KCNMB2: variants seen among roughly 807,000 people sequenced by gnomAD.
The protein encoded by KCNMB2 is potassium calcium-activated channel subfamily M regulatory beta subunit 2, also known as calcium-activated potassium channel subunit beta-2.
In KCNMB2, 9 loss-of-function variants were observed where a neutral mutation model predicts 24.5. That is an observed-to-expected ratio of 0.37 (90% CI 0.22 to 0.64). KCNMB2 has a LOEUF of 0.64. KCNMB2 is among the 30% of genes least tolerant of loss of function. The pLI is 0.63. For synonymous variants in KCNMB2, 109 were observed against 104.4 expected (o/e 1.04, Z -0.27); for missense variants, 226 against 284.3 (o/e 0.79, Z 1.47).
chr3:178,711,324 G>A (rs1722446282), intron 1 of KCNMB2, among the ~76,000 whole-genome samples: 1 of 152,014 alleles, frequency 6.6e-6, no homozygotes, highest in South Asian at 2.1e-4. Context: ...TTAATATTGT[G>A]CCTGGCATTT....
intron 2 of KCNMB2, among the ~76,000 whole-genome samples, chr3:178,811,248 C>T (rs1161770406): frequency 6.6e-6 from 1 of 151,960 alleles, no homozygotes; most frequent in East Asian, 1.9e-4. Context: ...CATCCAGGTA[C>T]CCATCATTCA....
At chr3:178,537,835 T>G (rs1715460850) in intron 1 of KCNMB2, among the ~76,000 whole-genome samples, 1 of 152,192 alleles carries the variant, frequency 6.6e-6, no homozygotes, top group South Asian at 2.1e-4. Flanking sequence ...AGATGTTGCT[T>G]TATATTCTGA....
At position 178,648,593 on chromosome 3, in the gene KCNMB2, G is replaced by C. The variant is rs151024183; in HGVS notation, c.-68+111882G>C. On this transcript the variant is annotated intron_variant, in intron 1 of 4. Transcript: ENST00000452583. The stretch of plus-strand genomic sequence containing the variant: ...AACATAAAAAATAAGTCATTTCTTT[G>C]TTCTCTTAACACTTCTTGAGTGAAC... Among the ~76,000 whole-genome samples the C allele has an allele frequency of 1.5e-4, 23 of 152,230 alleles. No individual in the cohort carries two copies. The East Asian group carries it at 4.4e-3, about 29-fold the overall frequency.
At chr3:178,708,605 T>C (rs1452701413) in intron 1 of KCNMB2, among the ~76,000 whole-genome samples, 1 of 152,024 alleles carries the variant, frequency 6.6e-6, no homozygotes, top group Admixed American at 6.6e-5. Flanking sequence ...CCAACAAAAA[T>C]AACAACAGTA....
intron 1 of KCNMB2, among the ~76,000 whole-genome samples, chr3:178,616,095 G>A (rs779340558): frequency 2.8e-4 from 42 of 152,040 alleles, no homozygotes; most frequent in Non-Finnish European, 5.0e-4. Flanking sequence ...GCAGAAAGAA[G>A]GGCTCTCTTT....
At chr3:178,580,566 G>C (rs1417229098) in intron 1 of KCNMB2, among the ~76,000 whole-genome samples, 1 of 152,204 alleles carries the variant, frequency 6.6e-6, no homozygotes, top group Non-Finnish European at 1.5e-5. Context: ...AGGAAGAGAG[G>C]AAGTCAAATT....
chr3:178,606,546 G>A (rs1718279666), intron 1 of KCNMB2, among the ~76,000 whole-genome samples: 1 of 143,490 alleles, frequency 7.0e-6, no homozygotes, highest in South Asian at 2.2e-4. Context: ...TACATAATTT[G>A]TTTGGTTTCA....
chr3:178,693,805 T>C (rs1451436004), intron 1 of KCNMB2, among the ~76,000 whole-genome samples: 1 of 152,156 alleles, frequency 6.6e-6, no homozygotes, highest in Non-Finnish European at 1.5e-5. Flanking sequence ...TTTGGAATAG[T>C]TTCAGTAGGA....
intron 1 of KCNMB2, among the ~76,000 whole-genome samples, chr3:178,678,121 G>A (rs1342644673): frequency 6.6e-6 from 1 of 152,188 alleles, no homozygotes; most frequent in African/African-American, 2.4e-5. Flanking sequence ...TGGGAGTTAT[G>A]GCTTATGGAA....
chr3:178,724,508 T>C (rs1722905861), intron 1 of KCNMB2, among the ~76,000 whole-genome samples: 1 of 152,184 alleles, frequency 6.6e-6, no homozygotes. Context: ...TTTAGTTTAA[T>C]TAAGTCCCAT....
chr3:178,757,241 T>C (rs2108396118), intron 1 of KCNMB2: 1 of 142,564 alleles, frequency 7.0e-6, no homozygotes, highest in East Asian at 2.0e-4. Flanking sequence ...GGTACACACA[T>C]ACACACATAT....
At position 178,758,143 on chromosome 3, in the gene KCNMB2, T is replaced by C. The variant is rs1280867422; in HGVS notation, c.-67-49200T>C. Among the ~76,000 whole-genome samples the C allele has an allele frequency of 1.8e-3, 98 of 54,170 alleles. 4 individuals are homozygous for C. Among genetic ancestry groups the C allele is most frequent in the Non-Finnish European group, 3.5e-3 (87 of 24,944 alleles). 35.5% of individuals were successfully genotyped at this position (54,170 alleles called of 152,430 possible). On this transcript the variant is annotated intron_variant, in intron 1 of 4. Transcript: ENST00000452583. ...ATATATATGTACACACAAGAGGATA[T>C]ATATATATATATATCCAAGAGGATA...
intron 1 of KCNMB2, among the ~76,000 whole-genome samples, chr3:178,601,527 C>A (rs1454904098): frequency 1.3e-5 from 2 of 152,110 alleles, no homozygotes; most frequent in African/African-American, 2.4e-5. Flanking sequence ...ATATCCCTGT[C>A]CACAGCTGAC....
At chr3:178,603,724 CT>C (rs1285771014) in intron 1 of KCNMB2, among the ~76,000 whole-genome samples, 5 of 152,136 alleles carry the variant, frequency 3.3e-5, no homozygotes, top group Non-Finnish European at 5.9e-5. Context: ...AGATGCAGTA[CT>C]GACGTGATGA....
chr3:178,582,812 A>G lies in KCNMB2; in HGVS notation c.-68+46101A>G, dbSNP rs189622358. Among the ~76,000 whole-genome samples the G allele has an allele frequency of 9.0e-3, 1,376 of 152,306 alleles. 19 individuals carry two copies. The highest frequency in any genetic ancestry group is 0.032 in the African/African-American group (1,320 of 41,586). On this transcript the variant is annotated intron_variant, in intron 1 of 4. Transcript: ENST00000452583. ...TTTTGTTTATATGCCCATTTATATGAAAAAATAATAATGTCACTGTGAATC... is the reference window on the plus strand; with the variant it reads ...TTTTGTTTATATGCCCATTTATATGGAAAAATAATAATGTCACTGTGAATC...
chr3:178,644,658 T>C (rs1407377990), intron 1 of KCNMB2, among the ~76,000 whole-genome samples: 1 of 152,214 alleles, frequency 6.6e-6, no homozygotes, highest in Non-Finnish European at 1.5e-5. Context: ...GCTTCTCCTC[T>C]TAGCTTTGCA....
chr3:178,663,403 CA>C (rs533240484), intron 1 of KCNMB2, among the ~76,000 whole-genome samples: 3 of 152,070 alleles, frequency 2.0e-5, no homozygotes, highest in Non-Finnish European at 4.4e-5. Flanking sequence ...TGCTCTTAAC[CA>C]TGACATCACA....
At chr3:178,552,380 A>C (rs201816381) in intron 1 of KCNMB2, among the ~76,000 whole-genome samples, 377 of 144,680 alleles carry the variant, frequency 2.6e-3, no homozygotes, top group Middle Eastern at 0.015. Flanking sequence ...TTTGAATTAA[A>C]CCCCCCCCCA....
chr3:178,672,814 C>A (rs779364766), intron 1 of KCNMB2, among the ~76,000 whole-genome samples: 1 of 152,134 alleles, frequency 6.6e-6, no homozygotes, highest in African/African-American at 2.4e-5. Flanking sequence ...TTTCCAAAAC[C>A]GCTCTCCTCT....
Sources: allele counts gnomAD v4.1 joint callset (sites outside exome capture counted in the v4.1 genomes callset), GRCh38; gene constraint gnomAD v4.1.1; transcripts MANE v1.5; gene names NCBI Gene and HGNC (gene_info 2026-07-23, HGNC 2026-07-21).